Variants in DMXL1 observed in about 807,000 individuals in gnomAD.
DMXL1 encodes the protein Dmx like 1.
In DMXL1, 99 loss-of-function variants were observed where a neutral mutation model predicts 319.2. That is an observed-to-expected ratio of 0.31 (90% CI 0.26 to 0.37). DMXL1 has a LOEUF of 0.37. DMXL1 is among the 10% of genes least tolerant of loss of function. The pLI, the probability that DMXL1 is intolerant of heterozygous loss-of-function variation, is 1.00. For synonymous variants in DMXL1, 1,385 were observed against 1,235.2 expected, an observed-to-expected ratio of 1.12 and a Z score of -2.54; for missense variants, 3,745 against 3,595.6, an observed-to-expected ratio of 1.04 and a Z score of -1.06.
intron 15 of DMXL1, among the ~76,000 whole-genome samples, chr5:119,145,841 C>A (rs1032831137): frequency 6.6e-6 from 1 of 151,570 alleles, no homozygotes; most frequent in African/African-American, 2.4e-5. Context: ...GGTTTCATAT[C>A]TTTTGCTCTA....
In DMXL1 at chr5:119,071,382, C is replaced by T. The variant is rs1749505444; in HGVS notation, c.-188C>T. On this transcript the variant is annotated 5_prime_UTR_variant, in exon 1 of 44. Coordinates refer to ENST00000539542, the MANE Select transcript of DMXL1 (RefSeq NM_001290321.3). Reference sequence around the variant, plus strand: ...TCTCGCCGACCCGCCCCCTCCGGGCCTCGCCCTCCGGGGCTCGGGATGAGT... The same window carrying T: ...TCTCGCCGACCCGCCCCCTCCGGGCTTCGCCCTCCGGGGCTCGGGATGAGT... The T allele has an allele frequency of 1.7e-6, 1 of 579,696 alleles. No homozygotes were observed. Among genetic ancestry groups the T allele is most frequent in the Non-Finnish European group, 3.0e-6 (1 of 337,022 alleles). 35.9% of individuals were successfully genotyped at this position (579,696 alleles called of 1,614,324 possible). A position where few individuals can be genotyped will look rare whatever the true frequency, so the allele number is the denominator to read the frequency against.
Position 119,102,754 on chromosome 5 carries a change from C to T in DMXL1, c.285+748C>T, listed in dbSNP as rs923130686. On this transcript the variant is annotated intron_variant, in intron 3 of 43. Transcript: ENST00000539542. ...AGGTTGTGGTGAGCAATGATGGCAC[C>T]ACTGCATTCCAGCCAGGGTGACACA... Among the ~76,000 whole-genome samples, 7 of 152,264 alleles carry T rather than the reference C, an allele frequency of 4.6e-5. 1 individual carries two copies. Among genetic ancestry groups the T allele is most frequent in the African/African-American group, 1.7e-4 (7 of 41,552 alleles).
At chr5:119,234,658 T>C (rs1165490026) in intron 39 of DMXL1, among the ~76,000 whole-genome samples, 1 of 152,176 alleles carries the variant, frequency 6.6e-6, no homozygotes, top group Non-Finnish European at 1.5e-5. Context: ...AATTCTATTG[T>C]ACTTTTAGTT....
chr5:119,128,149 T>A (rs1160475172), intron 9 of DMXL1: 1 of 495,848 alleles, frequency 2.0e-6, no homozygotes, highest in African/African-American at 2.0e-5. Context: ...AACACCACCT[T>A]CTTTGATTAA....
At chr5:119,080,956 T>C (rs1395751009) in intron 1 of DMXL1, among the ~76,000 whole-genome samples, 1 of 152,208 alleles carries the variant, frequency 6.6e-6, no homozygotes, top group Non-Finnish European at 1.5e-5. Context: ...GGCTAACTCA[T>C]CCCTAAAGGC....
intron 35 of DMXL1, among the ~76,000 whole-genome samples, chr5:119,218,386 A>G (rs902033339): frequency 2.6e-5 from 4 of 152,132 alleles, no homozygotes; most frequent in Non-Finnish European, 5.9e-5. Flanking sequence ...GTCTATGAAT[A>G]TGCCTGTTTA....
Position 119,133,938 on chromosome 5 carries a change from C to T in DMXL1, c.2014C>T (p.Pro672Ser), listed in dbSNP as rs1765459573. 6.2e-7 allele frequency: 1 copy of T among 1,614,188 alleles called. No homozygotes were observed. Among genetic ancestry groups the T allele is most frequent in the Non-Finnish European group, 8.5e-7 (1 of 1,180,024 alleles). ...RTPDVDNPEQ[P>S]FDALNIEECS... The stretch of plus-strand genomic sequence containing the variant: ...ACCAGATGTTGATAACCCAGAGCAA[C>T]CTTTTGATGCTCTAAATATTGAAGA... Residue 672 changes from proline to serine, a missense_variant, in exon 12 of 44, where the codon CCT becomes TCT. Physicochemically the swap from Pro to Ser is moderately conservative, Grantham distance 74. Around this residue, in one of 4 missense-constraint regions of DMXL1, gnomAD observed 2,096 missense variants for 1,985.4 expected, o/e 1.06. Coordinates refer to ENST00000539542, the MANE Select transcript of DMXL1 (RefSeq NM_001290321.3).
intron 42 of DMXL1, among the ~76,000 whole-genome samples, chr5:119,243,246 A>C (rs372975366): frequency 6.6e-6 from 1 of 152,176 alleles, no homozygotes; most frequent in East Asian, 1.9e-4. Context: ...AATTAATTTT[A>C]TTTCAAGTCT....
At position 119,133,725 on chromosome 5, in the gene DMXL1, T is replaced by A; in HGVS notation, c.1801T>A (p.Ser601Thr). 1 of 1,614,234 alleles carries A rather than the reference T, an allele frequency of 6.2e-7. No individual in the cohort carries two copies. Among genetic ancestry groups the A allele is most frequent in the Non-Finnish European group, 8.5e-7 (1 of 1,180,040 alleles). The change falls in exon 12 of 44, where the codon TCA becomes ACA. Residue 601 changes from serine to threonine, a missense_variant. Around this residue, in one of 4 missense-constraint regions of DMXL1, gnomAD observed 2,096 missense variants for 1,985.4 expected, o/e 1.06. Coordinates refer to ENST00000539542, the MANE Select transcript of DMXL1 (RefSeq NM_001290321.3). ...TTTTACGCCTAATGTTATGATGATA[T>A]CAAAACATGCTGATGGTTCTCTGAA... ...SIFTPNVMMI[S>T]KHADGSLNQW...
chr5:119,207,774 G>C (rs2150491733), intron 34 of DMXL1, among the ~76,000 whole-genome samples: 1 of 152,188 alleles, frequency 6.6e-6, no homozygotes, highest in East Asian at 1.9e-4. Flanking sequence ...CACCTGCCTT[G>C]GCCTCCCAAA....
intron 1 of DMXL1, among the ~76,000 whole-genome samples, chr5:119,086,225 C>G (rs183940255): frequency 6.6e-6 from 1 of 152,090 alleles, no homozygotes; most frequent in Non-Finnish European, 1.5e-5. Flanking sequence ...TATTCACTAC[C>G]GTGAAAACAG....
intron 13 of DMXL1, among the ~76,000 whole-genome samples, chr5:119,141,022 G>C (rs1175162165): frequency 6.6e-6 from 1 of 152,142 alleles, no homozygotes; most frequent in Non-Finnish European, 1.5e-5. Flanking sequence ...TTTTTTGATA[G>C]ATGCAGAAAA....
intron 1 of DMXL1, among the ~76,000 whole-genome samples, chr5:119,087,106 G>C (rs926211428): frequency 3.3e-5 from 5 of 151,086 alleles, no homozygotes; most frequent in African/African-American, 1.2e-4. Flanking sequence ...CAGTTTTGTT[G>C]ATTGTAACTT....
intron 9 of DMXL1, among the ~76,000 whole-genome samples, chr5:119,122,386 A>G (rs1387549892): frequency 0.012 from 1,118 of 90,320 alleles, no homozygotes; most frequent in Middle Eastern, 0.067. Context: ...AGTAGGGGCG[A>G]CCGGGCAGAG....
intron 9 of DMXL1, among the ~76,000 whole-genome samples, chr5:119,125,837 T>C (rs1763427110): frequency 6.6e-6 from 1 of 152,184 alleles, no homozygotes; most frequent in Non-Finnish European, 1.5e-5. Context: ...GCATTGGGAA[T>C]ACAGGCGTGA....
intron 43 of DMXL1, among the ~76,000 whole-genome samples, chr5:119,245,835 C>A (rs1789657341): frequency 6.6e-6 from 1 of 151,832 alleles, no homozygotes; most frequent in Non-Finnish European, 1.5e-5. Flanking sequence ...AGCCACCGCA[C>A]CTGGCCTAGA....
intron 9 of DMXL1, among the ~76,000 whole-genome samples, chr5:119,122,335 G>C (rs552171791): frequency 1.4e-5 from 2 of 141,702 alleles, no homozygotes; most frequent in East Asian, 2.1e-4. Context: ...CCTCCCTCCC[G>C]GAGGGGGCGG....
Position 119,144,615 on chromosome 5 carries a change from A to G in DMXL1, c.2546A>G (p.Lys849Arg). Reference sequence around the variant, plus strand: ...AACCTTGAGAAGAAAAGCCTTGGCAAAGACAGCATTTTATCTAATGCAGGT... The same window carrying G: ...AACCTTGAGAAGAAAAGCCTTGGCAGAGACAGCATTTTATCTAATGCAGGT... ...LNNLEKKSLG[K>R]DSILSNAGSS... The change falls in exon 15 of 44, where the codon AAA (lysine) becomes AGA (arginine). Residue 849 changes from lysine to arginine, a missense_variant. By Grantham distance (26) the Lys-to-Arg change is conservative (BLOSUM62 2). This residue lies in a region of DMXL1 where 2,096 missense variants were observed against 1,985.4 expected (regional missense o/e 1.06). Transcript: ENST00000539542. 4.4e-6 allele frequency: 7 copies of G among 1,599,900 alleles called. No individual in the cohort carries two copies. The highest frequency in any genetic ancestry group is 8.5e-7 in the Non-Finnish European group (1 of 1,174,802).
rs1235423396 is a variant in DMXL1 at position 119,248,882 on chromosome 5, ATTGT to A, written c.*1667_*1670del. 1 of 152,494 alleles carries A rather than the reference ATTGT, an allele frequency of 6.6e-6. No individual in the cohort carries two copies. The highest frequency in any genetic ancestry group is 1.5e-5 in the Non-Finnish European group (1 of 67,938). The allele number at this position is 152,494 out of a possible 1,614,324, so 9.4% of individuals were successfully genotyped here. On this transcript the variant is annotated 3_prime_UTR_variant, in exon 44 of 44. Transcript: ENST00000539542. ...ATCTGACAGCATTGCAAACAATAGT[ATTGT>A]TTGATGTAGTTAACCTTAAGTTATT... is the stretch of plus-strand genomic sequence containing the variant.
Sources: gnomAD v4.1 joint callset for allele counts (sites outside exome capture counted in the v4.1 genomes callset) on GRCh38, gnomAD v4.1.1 for gene constraint, gnomAD v4.1.1 regional missense constraint, MANE v1.5 for transcripts, NCBI Gene and HGNC (gene_info 2026-07-23, HGNC 2026-07-21) for gene names.